Variants in MLIP observed in about 807,000 individuals in gnomAD.
The protein encoded by MLIP is muscular LMNA interacting protein, also known as muscular LMNA-interacting protein.
A neutral mutation model predicts 84.8 loss-of-function variants in MLIP; 79 were observed. The ratio of observed to expected loss-of-function variants is 0.93; its 90% CI spans 0.78 to 1.12. The LOEUF (loss-of-function observed/expected upper bound fraction) is 1.12, where lower values mean the gene tolerates loss of function less well. Ranked by LOEUF, MLIP falls within the 50% of genes most tolerant of loss-of-function variation. The probability of loss-of-function intolerance (pLI) is 0.00; values close to 1 mark genes in which losing one functional copy is unlikely to be tolerated. For synonymous variants in MLIP, 504 were observed against 463.0 expected, an observed-to-expected ratio of 1.09 and a Z score of -1.14; for missense variants, 1,257 against 1,160.6, an observed-to-expected ratio of 1.08 and a Z score of -1.21.
At chr6:54,187,633 A>G (rs1330795662) in intron 9 of MLIP, among the ~76,000 whole-genome samples, 1 of 152,176 alleles carries the variant, frequency 6.6e-6, no homozygotes, top group East Asian at 1.9e-4. Flanking sequence ...AAAACCATCC[A>G]GAATACAGTA....
chr6:54,057,584 C>T (rs1403410301), intron 1 of MLIP, among the ~76,000 whole-genome samples: 2 of 152,214 alleles, frequency 1.3e-5, no homozygotes, highest in African/African-American at 4.8e-5. Context: ...TTTTCTCCTT[C>T]TGCAGAAATC....
At position 54,263,189 on chromosome 6, in the gene MLIP, C is replaced by T. The variant is rs574207879; in HGVS notation, c.2977-2761C>T. On this transcript the variant is annotated intron_variant, in intron 13 of 13. Transcript: ENST00000502396. ...AGAGAAACAAACAAAACACTAAGAT[C>T]AGGGTTAATAATTATTTGGAACTCA... Among the ~76,000 whole-genome samples the T allele has an allele frequency of 2.6e-5, 4 of 152,082 alleles. 1 individual carries two copies. In the South Asian group the frequency reaches 8.3e-4, roughly 31 times the overall value.
At chr6:54,178,200 T>TTAAGA (rs1414820729) in intron 9 of MLIP, among the ~76,000 whole-genome samples, 1 of 152,076 alleles carries the variant, frequency 6.6e-6, no homozygotes, top group Non-Finnish European at 1.5e-5. Context: ...ATCTTGAAAC[T>TTAAGA]TAAAATAAAA....
At chr6:54,035,943 T>C (rs1764411532) in intron 1 of MLIP, among the ~76,000 whole-genome samples, 1 of 152,112 alleles carries the variant, frequency 6.6e-6, no homozygotes, top group African/African-American at 2.4e-5. Context: ...CTTAACAGAA[T>C]ATTTTGCAGA....
intron 11 of MLIP, among the ~76,000 whole-genome samples, chr6:54,221,658 A>G (rs1780229340): frequency 6.6e-6 from 1 of 152,100 alleles, no homozygotes; most frequent in Non-Finnish European, 1.5e-5. Context: ...ATCTGGAAAA[A>G]GTGAAAATAT....
intron 10 of MLIP, among the ~76,000 whole-genome samples, chr6:54,195,695 T>C (rs573693677): frequency 1.3e-5 from 2 of 152,248 alleles, no homozygotes; most frequent in South Asian, 4.1e-4. Context: ...GAGTGTCTTA[T>C]AGCCCATTAA....
chr6:54,036,731 C>T (rs959644470), intron 1 of MLIP, among the ~76,000 whole-genome samples: 4 of 152,088 alleles, frequency 2.6e-5, no homozygotes, highest in African/African-American at 9.6e-5. Flanking sequence ...AATCCCACTT[C>T]TGGGTATATA....
At chr6:54,172,940 A>G (rs1775917968) in intron 9 of MLIP, among the ~76,000 whole-genome samples, 1 of 151,722 alleles carries the variant, frequency 6.6e-6, no homozygotes, top group Non-Finnish European at 1.5e-5. Context: ...TTTTAAGTGT[A>G]ATAGAATTGA....
chr6:54,189,873 A>C lies in MLIP; in HGVS notation c.2548A>C (p.Asn850His), dbSNP rs1254817613. 1 of 1,600,144 alleles carries C rather than the reference A, an allele frequency of 6.2e-7. No individual in the cohort carries two copies. The stretch of plus-strand genomic sequence containing the variant: ...ATGCCATGTTTATGTTTTGCAGGCA[A>C]ATCTCTCCTCACCATCTTCTACAGT... ...RAAGRETKYA[N>H]LSSPSSTVSE... The change falls in exon 10 of 14, where the codon AAT becomes CAT. Residue 850 changes from asparagine to histidine, a missense_variant. By Grantham distance (68) the Asn-to-His change is moderately conservative. Transcript: ENST00000502396.
At chr6:54,180,386 A>T (rs1776731478) in intron 9 of MLIP, among the ~76,000 whole-genome samples, 1 of 152,002 alleles carries the variant, frequency 6.6e-6, no homozygotes, top group African/African-American at 2.4e-5. Flanking sequence ...AATTTCTGTT[A>T]TTGTACCTTT....
intron 3 of MLIP, among the ~76,000 whole-genome samples, chr6:54,127,617 G>A (rs950754048): frequency 6.6e-6 from 1 of 152,008 alleles, no homozygotes; most frequent in Non-Finnish European, 1.5e-5. Context: ...AGATTGTAAA[G>A]TTTTTACAGG....
chr6:54,222,151 C>T (rs1307877981), intron 11 of MLIP, among the ~76,000 whole-genome samples: 1 of 151,948 alleles, frequency 6.6e-6, no homozygotes, highest in Non-Finnish European at 1.5e-5. Context: ...GAAGTGATCA[C>T]CACAATCAAG....
chr6:54,081,826 T>C (rs1359748286), intron 1 of MLIP, among the ~76,000 whole-genome samples: 2 of 152,184 alleles, frequency 1.3e-5, no homozygotes, highest in African/African-American at 4.8e-5. Context: ...CATTGTTCTT[T>C]ATCTTTAAGT....
At chr6:54,081,251 T>C (rs1172251940) in intron 1 of MLIP, among the ~76,000 whole-genome samples, 1 of 152,092 alleles carries the variant, frequency 6.6e-6, no homozygotes, top group African/African-American at 2.4e-5. Flanking sequence ...GTCTCCATGG[T>C]GGCGGTGAAG....
chr6:54,144,348 C>T (rs1356730625), intron 4 of MLIP, among the ~76,000 whole-genome samples: 1 of 152,180 alleles, frequency 6.6e-6, no homozygotes, highest in East Asian at 1.9e-4. Flanking sequence ...GGCCCTTCAC[C>T]ATGGTTTCCT....
At chr6:54,111,277 C>A, upstream of MLIP, 1 of 794,704 alleles carries the variant, frequency 1.3e-6, no homozygotes, top group Admixed American at 3.6e-5. Flanking sequence ...TTAGTATGAC[C>A]TCTCATAATG....
At chr6:54,143,353 C>T (rs1176387085) in intron 4 of MLIP, among the ~76,000 whole-genome samples, 1 of 151,880 alleles carries the variant, frequency 6.6e-6, no homozygotes, top group African/African-American at 2.4e-5. Flanking sequence ...TTACAGTCAC[C>T]TGCCACCACA....
chr6:54,051,124 C>A (rs1371998976), intron 1 of MLIP, among the ~76,000 whole-genome samples: 1 of 151,922 alleles, frequency 6.6e-6, no homozygotes. Context: ...CCCTTCTCCC[C>A]ACTCTCAACC....
At chr6:54,231,079 C>T (rs754444298) in intron 12 of MLIP, among the ~76,000 whole-genome samples, 162 bp downstream of exon 12, 9 of 152,018 alleles carry the variant, frequency 5.9e-5, no homozygotes, top group Non-Finnish European at 1.2e-4. Flanking sequence ...AGCACATTAC[C>T]TTATAAGCAG....
Sources: allele counts gnomAD v4.1 joint callset (sites outside exome capture counted in the v4.1 genomes callset), GRCh38; gene constraint gnomAD v4.1.1; transcripts MANE v1.5; gene names NCBI Gene and HGNC (gene_info 2026-07-23, HGNC 2026-07-21).